The following NLRP12 variants were observed in gnomAD, a reference collection of about 807,000 sequenced individuals.
The protein encoded by NLRP12 is NLR family pyrin domain containing 12.
Under a neutral mutation model 91.2 loss-of-function variants are expected in NLRP12, and 108 were observed. The ratio of observed to expected loss-of-function variants is 1.18; its 90% CI spans 1.01 to 1.39. The LOEUF (loss-of-function observed/expected upper bound fraction) is 1.39, where lower values mean the gene tolerates loss of function less well. Among genes scored for constraint, NLRP12 ranks in the 40% most tolerant of loss-of-function variants. The pLI is 0.00. For missense variants in NLRP12, 1,530 were observed against 1,352.7 expected (o/e 1.13, Z -2.06); for synonymous variants, 613 against 566.7 (o/e 1.08, Z -1.16).
intron 6 of NLRP12, among the ~76,000 whole-genome samples, chr19:53,802,467 G>A (rs190257698): frequency 2.0e-5 from 3 of 151,820 alleles, no homozygotes; most frequent in African/African-American, 4.8e-5. Context: ...CAGCACTTTC[G>A]GGGGCTGAGG....
chr19:53,817,984 T>C (rs1442143805), intron 1 of NLRP12, among the ~76,000 whole-genome samples: 1 of 151,768 alleles, frequency 6.6e-6, no homozygotes, highest in Non-Finnish European at 1.5e-5. Context: ...GGTTTCACCA[T>C]GTTGGCCAGG....
chr19:53,794,712 G>A (rs1449981762), intron 9 of NLRP12, among the ~76,000 whole-genome samples: 4 of 150,008 alleles, frequency 2.7e-5, no homozygotes, highest in Non-Finnish European at 5.9e-5. Flanking sequence ...TGTTGCCCAG[G>A]CTAGAGTGCA....
At chr19:53,818,675 A>G (rs150876070) in intron 1 of NLRP12, among the ~76,000 whole-genome samples, 5,768 of 152,186 alleles carry the variant, frequency 0.038, 139 homozygotes, top group South Asian at 0.097. Context: ...AAAAAAATAA[A>G]TAAATAAAAA....
At chr19:53,795,559 A>G (rs1349767192) in intron 9 of NLRP12, among the ~76,000 whole-genome samples, 3 of 150,174 alleles carry the variant, frequency 2.0e-5, no homozygotes, top group African/African-American at 4.9e-5. Flanking sequence ...TGTTTTTATT[A>G]GAGACGGGGT....
intron 1 of NLRP12, among the ~76,000 whole-genome samples, chr19:53,818,323 C>T (rs568102746): frequency 2.0e-5 from 3 of 152,170 alleles, no homozygotes; most frequent in African/African-American, 7.2e-5. Flanking sequence ...ATCTGCCTGC[C>T]TCAGCCTCCC....
chr19:53,814,775 A>C, intron 2 of NLRP12, 133 bp downstream of exon 2: 1 of 765,242 alleles, frequency 1.3e-6, no homozygotes, highest in East Asian at 2.5e-5. Flanking sequence ...ACACAGGAGG[A>C]AACTGCCCCT....
intron 7 of NLRP12, 31 bp downstream of exon 7, chr19:53,801,196 C>A: frequency 1.2e-6 from 2 of 1,609,584 alleles, no homozygotes; most frequent in Admixed American, 3.3e-5. Flanking sequence ...TGGATTGGGA[C>A]TCCTAGCGTG....
rs781329641 is a variant in NLRP12 at position 53,809,646 on chromosome 19, G to T, written c.2013C>A (p.Ser671Arg). 2.2e-5 allele frequency: 35 copies of T among 1,613,258 alleles called. No individual in the cohort carries two copies. Among genetic ancestry groups the T allele is most frequent in the Non-Finnish European group, 2.5e-5 (30 of 1,179,922 alleles). ...QVLHLYGATYSADGEDRARCS... is the reference protein window; with the variant it reads ...QVLHLYGATYRADGEDRARCS... ...ACCTCGCGCGGTCTTCCCCGTCCGC[G>T]CTGTAGGTGGCGCCATACAAGTGCA... The change falls in exon 3 of 10, where the codon AGC becomes AGA. Residue 671 changes from serine (S) to arginine (R), a missense_variant. Coordinates refer to ENST00000324134, the MANE Select transcript of NLRP12 (RefSeq NM_144687.4).
chr19:53,819,568 T>TGTATACGTATATAC (rs1568696172), intron 1 of NLRP12, among the ~76,000 whole-genome samples: 1 of 32,962 alleles, frequency 3.0e-5, no homozygotes, highest in Non-Finnish European at 7.6e-5. Context: ...TACGTATATA[T>TGTATACGTATATAC]ATGCGTATAT....
At chr19:53,808,659 A>C (rs1397850180) in intron 3 of NLRP12, 1 of 152,006 alleles carries the variant, frequency 6.6e-6, no homozygotes, top group Non-Finnish European at 1.5e-5. Context: ...GTGCCCCTGC[A>C]CTCCAGCCTT....
intron 2 of NLRP12, among the ~76,000 whole-genome samples, chr19:53,811,522 A>G (rs529640118): frequency 6.6e-6 from 1 of 151,478 alleles, no homozygotes; most frequent in Non-Finnish European, 1.5e-5. Context: ...TCAAAAAAAA[A>G]TTTTTTTTAA....
Position 53,814,893 on chromosome 19 carries a change from T to C in NLRP12, c.370+15A>G, listed in dbSNP as rs1249203459. On this transcript the variant is annotated intron_variant, in intron 2 of 9. Transcript: ENST00000324134. ...GTGTAGATGAATACATGTAGGTACA[T>C]GGCTTGAGGCTCACCTTTTCTTGGA... 4.3e-6 allele frequency: 7 copies of C among 1,610,036 alleles called. No homozygotes were observed. The highest frequency in any genetic ancestry group is 2.2e-5 in the East Asian group (1 of 44,834).
intron 1 of NLRP12, among the ~76,000 whole-genome samples, chr19:53,820,731 A>G (rs929518838): frequency 6.8e-6 from 1 of 147,410 alleles, no homozygotes; most frequent in African/African-American, 2.5e-5. Context: ...ACTGTCACCC[A>G]GGCTGGAGTG....
chr19:53,809,541 A>AAAAAAAAC, intron 3 of NLRP12, 46 bp downstream of exon 3: 10 of 1,425,726 alleles, frequency 7.0e-6, no homozygotes, highest in Non-Finnish European at 9.5e-6. Flanking sequence ...AAAAAAAAAA[A>AAAAAAAAC]CACACGAACC....
chr19:53,795,773 C>T lies in NLRP12; in HGVS notation c.3098+86G>A, dbSNP rs185043872. On this transcript the variant is annotated intron_variant, in intron 9 of 9. Transcript: ENST00000324134. ...CCTAATTGCATACACCAGTGCATAA[C>T]GTATTTGTCCATCCAGCTTATCTAC... The T allele has an allele frequency of 4.4e-4, 524 of 1,198,866 alleles. No homozygotes were observed. In the African/African-American group the frequency reaches 6.1e-3, roughly 14 times the overall value. The allele number at this position is 1,198,866 out of a possible 1,614,324, so 74.3% of individuals were successfully genotyped here.
Position 53,804,216 on chromosome 19 carries a change from A to G in NLRP12, c.2415-94T>C, listed in dbSNP as rs887874862. 22 of 1,409,158 alleles carry G rather than the reference A, an allele frequency of 1.6e-5. No homozygotes were observed. The African/African-American group carries it at 3.1e-4, about 20-fold the overall frequency. The allele number at this position is 1,409,158 out of a possible 1,614,324, so 87.3% of individuals were successfully genotyped here. ...GCCTGTTATTTTATTATTTAGGAACAGGTTGTTGCTCTGTCACCCAGGGTG... is the reference window on the plus strand; with the variant it reads ...GCCTGTTATTTTATTATTTAGGAACGGGTTGTTGCTCTGTCACCCAGGGTG... On this transcript the variant is annotated intron_variant, in intron 5 of 9. Coordinates refer to ENST00000324134, the MANE Select transcript of NLRP12 (RefSeq NM_144687.4).
In NLRP12 at chr19:53,810,591, G is replaced by A; in HGVS notation, c.1068C>T (p.His356=). ...AGCCCAGGATCTCCACATGCCTGGG[G>A]TGCTCCAGCAGACGGTGGAGCTTCT... is the stretch of plus-strand genomic sequence containing the variant. ...ALEKLHRLLE[H]PRHVEILGFS... Residue 356 remains histidine (H), a synonymous_variant, in exon 3 of 10, where the codon CAC becomes CAT. Transcript: ENST00000324134. 2 of 1,614,104 alleles carry A rather than the reference G, an allele frequency of 1.2e-6. No homozygotes were observed. Among genetic ancestry groups the A allele is most frequent in the Non-Finnish European group, 1.7e-6 (2 of 1,180,030 alleles).
chr19:53,824,066 C>T lies in NLRP12; in HGVS notation c.109G>A (p.Glu37Lys), dbSNP rs1285434653. 6.2e-7 allele frequency: 1 copy of T among 1,614,202 alleles called. No homozygotes were observed. The highest frequency in any genetic ancestry group is 8.5e-7 in the Non-Finnish European group (1 of 1,180,028). Residue 37 changes from glutamate (E) to lysine (K), a missense_variant, in exon 1 of 10, where the codon GAG (glutamate) becomes AAG (lysine). Glu to Lys is a moderately conservative substitution (Grantham distance 56). Transcript: ENST00000324134. ...CAGGGGATCTTGCCTTCTCCCAGCT[C>T]TGTCGCGGTCCCCAGGTATAACTTG... Reference protein sequence around the residue: ...KFKLYLGTATELGEGKIPWGS... With the variant: ...KFKLYLGTATKLGEGKIPWGS...
chr19:53,809,543 A>AAAAAC, intron 3 of NLRP12, 44 bp downstream of exon 3: 1 of 1,392,004 alleles, frequency 7.2e-7, no homozygotes, highest in Non-Finnish European at 9.8e-7. Context: ...AAAAAAAAAC[A>AAAAAC]CACGAACCTA....
Sources: allele counts gnomAD v4.1 joint callset (sites outside exome capture counted in the v4.1 genomes callset), GRCh38; gene constraint gnomAD v4.1.1; transcripts MANE v1.5; gene names NCBI Gene and HGNC (gene_info 2026-07-23, HGNC 2026-07-21).